LINGO2: variants seen among roughly 807,000 people sequenced by gnomAD.
LINGO2 encodes the protein leucine-rich repeat and immunoglobulin-like domain-containing nogo receptor-interacting protein 2.
LINGO2 carries 14 observed loss-of-function variants against 30.6 expected under a neutral mutation model. The ratio of observed to expected loss-of-function variants is 0.46; its 90% CI spans 0.30 to 0.72. The LOEUF (loss-of-function observed/expected upper bound fraction) is 0.72. LINGO2 is among the 30% of genes least tolerant of loss of function. LINGO2 has a pLI of 0.07. For synonymous variants in LINGO2, 317 were observed against 288.5 expected, an observed-to-expected ratio of 1.10 and a Z score of -1.00; for missense variants, 729 against 751.7, an observed-to-expected ratio of 0.97 and a Z score of 0.35.
chr9:28,977,129 T>C, the LINGO2 span, among the ~76,000 whole-genome samples: 1 of 152,242 alleles, frequency 6.6e-6, no homozygotes, highest in African/African-American at 2.4e-5. Context: ...AATCTTCTCA[T>C]AACTCAGGTA....
chr9:28,005,995 T>C (rs964339122), intron 5 of LINGO2, among the ~76,000 whole-genome samples: 1 of 152,130 alleles, frequency 6.6e-6, no homozygotes, highest in African/African-American at 2.4e-5. Context: ...CAGAATCATA[T>C]GAATAGGCCT....
At chr9:28,426,937 T>A (rs10117301) in intron 2 of LINGO2, among the ~76,000 whole-genome samples, 19,251 of 152,034 alleles carry the variant, frequency 0.13, 1,402 homozygotes, top group East Asian at 0.24. Context: ...TTTTTACTGG[T>A]ATTCTTATTT....
chr9:28,529,167 C>A (rs1821137133), intron 1 of LINGO2, among the ~76,000 whole-genome samples: 1 of 152,104 alleles, frequency 6.6e-6, no homozygotes, highest in Admixed American at 6.6e-5. Flanking sequence ...CATTCTCCTT[C>A]CAGTACCTCA....
chr9:28,845,797 A>G, the LINGO2 span, among the ~76,000 whole-genome samples: 33 of 151,820 alleles, frequency 2.2e-4, no homozygotes, highest in African/African-American at 7.0e-4. Context: ...AAAAAATAAA[A>G]TGTTTTAGAT....
chr9:29,017,488 T>C, the LINGO2 span, among the ~76,000 whole-genome samples: 561 of 152,168 alleles, frequency 3.7e-3, 2 homozygotes, highest in African/African-American at 0.013. Context: ...GTAATAGCAA[T>C]ATTAAAAATA....
At chr9:28,322,029 TG>T (rs1380700933) in intron 3 of LINGO2, among the ~76,000 whole-genome samples, 15 of 152,232 alleles carry the variant, frequency 9.9e-5, no homozygotes, top group Non-Finnish European at 2.1e-4. Context: ...CCATGCTACT[TG>T]GAATAATCCA....
chr9:27,991,748 G>C (rs909854196), intron 5 of LINGO2, among the ~76,000 whole-genome samples: 3 of 152,058 alleles, frequency 2.0e-5, no homozygotes, highest in Non-Finnish European at 4.4e-5. Flanking sequence ...GAACATTTTA[G>C]AAGACAAAAG....
chr9:28,057,557 ATATATATACATATATATACACATATATG>A (rs948538614), intron 4 of LINGO2, among the ~76,000 whole-genome samples: 9 of 147,672 alleles, frequency 6.1e-5, no homozygotes, highest in Non-Finnish European at 8.9e-5. Flanking sequence ...ATATAAGTAT[ATATATATACATATATATACACATATATG>A]TATATACATA....
chr9:28,617,538 G>A (rs912736193), intron 1 of LINGO2, among the ~76,000 whole-genome samples: 13 of 151,816 alleles, frequency 8.6e-5, no homozygotes, highest in African/African-American at 2.7e-4. Flanking sequence ...CTCGTGATCC[G>A]CCCTCCTCGG....
At chr9:28,493,704 G>A (rs1819463819) in intron 1 of LINGO2, among the ~76,000 whole-genome samples, 1 of 152,166 alleles carries the variant, frequency 6.6e-6, no homozygotes, top group South Asian at 2.1e-4. Flanking sequence ...TGAGGGTGTT[G>A]CCAAAGGAGA....
chr9:28,062,471 TATATATACTATATATAC>T (rs1036928400), intron 4 of LINGO2, among the ~76,000 whole-genome samples: 9 of 146,936 alleles, frequency 6.1e-5, no homozygotes, highest in Non-Finnish European at 1.2e-4. Context: ...CTACATATTG[TATATATACTATATATAC>T]ATATATACTA....
intron 4 of LINGO2, among the ~76,000 whole-genome samples, chr9:28,291,200 C>A (rs145250694): frequency 8.2e-4 from 125 of 152,220 alleles, no homozygotes; most frequent in African/African-American, 2.8e-3. Context: ...GTTGGGGTTC[C>A]CAAGGTCTGC....
intron 1 of LINGO2, among the ~76,000 whole-genome samples, chr9:28,511,716 C>T (rs146224765): frequency 3.3e-5 from 5 of 152,326 alleles, no homozygotes; most frequent in African/African-American, 1.2e-4. Context: ...AATCATGCTT[C>T]TTCCAAGTCC....
chr9:28,686,251 C>T, the LINGO2 span, among the ~76,000 whole-genome samples: 1 of 151,898 alleles, frequency 6.6e-6, no homozygotes, highest in Admixed American at 6.6e-5. Flanking sequence ...TAATATAATG[C>T]AAATGCTTGA....
the LINGO2 span, among the ~76,000 whole-genome samples, chr9:28,901,753 T>G: frequency 6.7e-6 from 1 of 148,430 alleles, no homozygotes; most frequent in Admixed American, 6.8e-5. Context: ...CTAGAGAAAA[T>G]AATCACAAAG....
intron 1 of LINGO2, among the ~76,000 whole-genome samples, chr9:28,657,624 G>T (rs1358738669): frequency 6.6e-6 from 1 of 151,762 alleles, no homozygotes; most frequent in Non-Finnish European, 1.5e-5. Flanking sequence ...TCTAATTTTA[G>T]TTATTTGAAT....
chr9:28,744,154 A>G, the LINGO2 span, among the ~76,000 whole-genome samples: 1 of 147,182 alleles, frequency 6.8e-6, no homozygotes, highest in Non-Finnish European at 1.5e-5. Context: ...CTAAATTTCT[A>G]TTTGGTTCTT....
At chr9:28,213,123 T>C (rs754270624) in intron 4 of LINGO2, among the ~76,000 whole-genome samples, 7 of 151,526 alleles carry the variant, frequency 4.6e-5, no homozygotes, top group Non-Finnish European at 5.9e-5. Context: ...CACATTCTTA[T>C]GTTATTACTC....
the LINGO2 span, among the ~76,000 whole-genome samples, chr9:28,976,373 TC>T: frequency 6.6e-6 from 1 of 152,146 alleles, no homozygotes; most frequent in Non-Finnish European, 1.5e-5. Context: ...AAACATTTAG[TC>T]CATTCATTGT....
Sources: allele counts gnomAD v4.1 joint callset (sites outside exome capture counted in the v4.1 genomes callset), GRCh38; gene constraint gnomAD v4.1.1; transcripts MANE v1.5; gene names NCBI Gene and HGNC (gene_info 2026-07-23, HGNC 2026-07-21).